The following MATK variants were observed in gnomAD, a reference collection of about 807,000 sequenced individuals.
The protein encoded by MATK is megakaryocyte-associated tyrosine kinase.
Under a neutral mutation model 59.8 loss-of-function variants are expected in MATK, and 41 were observed. The observed-to-expected ratio is 0.69, with a 90% CI of 0.53 to 0.89. The LOEUF (loss-of-function observed/expected upper bound fraction) is 0.89, where lower values mean the gene tolerates loss of function less well. Ranked by LOEUF, MATK falls within the 40% of genes least tolerant of loss-of-function variation. MATK has a pLI of 0.00. For missense variants in MATK, 593 were observed against 719.6 expected (o/e 0.82, Z 2.01); for synonymous variants, 308 against 306.1 (o/e 1.01, Z -0.06).
At chr19:3,780,743 T>A (rs1443125681) in intron 8 of MATK, among the ~76,000 whole-genome samples, 1 of 146,248 alleles carries the variant, frequency 6.8e-6, no homozygotes, top group Non-Finnish European at 1.5e-5. Flanking sequence ...ACATTTTTAT[T>A]TTTAAAATAT....
intron 7 of MATK, chr19:3,782,777 C>T: frequency 3.1e-6 from 1 of 326,336 alleles, no homozygotes; most frequent in Non-Finnish European, 5.7e-6. Flanking sequence ...GATGGGAGGG[C>T]CTGAGGCTGG....
intron 1 of MATK, among the ~76,000 whole-genome samples, chr19:3,797,709 TAGTG>T (rs1399537366): frequency 1.3e-5 from 2 of 151,986 alleles, no homozygotes; most frequent in East Asian, 2.0e-4. Context: ...CTGGGCAACA[TAGTG>T]AGACCCCAAT....
At chr19:3,790,808 T>C (rs895914975), upstream of MATK, among the ~76,000 whole-genome samples, 4 of 152,136 alleles carry the variant, frequency 2.6e-5, no homozygotes, top group African/African-American at 9.7e-5. Flanking sequence ...CCATACTTCC[T>C]AGAGCAAGGT....
rs762860214 is a variant in MATK at position 3,778,426 on chromosome 19, C to A, written c.1285-4G>T. 1 of 1,613,288 alleles carries A rather than the reference C, an allele frequency of 6.2e-7. No individual in the cohort carries two copies. Among genetic ancestry groups the A allele is most frequent in the South Asian group, 1.1e-5 (1 of 91,084 alleles). On this transcript the variant is annotated splice_polypyrimidine_tract_variant and splice_region_variant and intron_variant, in intron 13 of 13. Coordinates refer to ENST00000310132, the MANE Select transcript of MATK (RefSeq NM_139355.3). Reference sequence around the variant, plus strand: ...CCTCCGACACCTCTTTCAGTGACTGCGGACAGCAGGCGTGGGCAGGGGTCA... The same window carrying A: ...CCTCCGACACCTCTTTCAGTGACTGAGGACAGCAGGCGTGGGCAGGGGTCA...
At position 3,778,293 on chromosome 19, in the gene MATK, G is replaced by T; in HGVS notation, c.1414C>A (p.Arg472Ser). The change falls in exon 14 of 14, where the codon CGC (arginine) becomes AGC (serine). Residue 472 changes from arginine to serine, a missense_variant. By Grantham distance (110) the Arg-to-Ser change is moderately radical. Coordinates refer to ENST00000310132, the MANE Select transcript of MATK (RefSeq NM_139355.3). ...CGGGCCAGCTTCTCGGCCAGTTTGC[G>T]GAAGGGTGGCCGGCGGGCGGGCTCT... The part of the protein sequence containing the change: ...EAEPARRPPF[R>S]KLAEKLAREL... 2 of 1,575,876 alleles carry T rather than the reference G, an allele frequency of 1.3e-6. No individual in the cohort carries two copies.
chr19:3,799,257 C>T (rs2037622646), intron 1 of MATK, among the ~76,000 whole-genome samples: 1 of 152,098 alleles, frequency 6.6e-6, no homozygotes. Context: ...ACCAGTTTGA[C>T]CCCAATTTTA....
chr19:3,800,462 G>A (rs903111153), intron 1 of MATK, among the ~76,000 whole-genome samples: 3 of 151,936 alleles, frequency 2.0e-5, no homozygotes, highest in African/African-American at 4.8e-5. Flanking sequence ...CCTGACCAAC[G>A]TGGTGAAACC....
Position 3,778,072 on chromosome 19 carries a change from C to T in MATK, c.*111G>A. 1 of 1,444,160 alleles carries T rather than the reference C, an allele frequency of 6.9e-7. No individual in the cohort carries two copies. Among genetic ancestry groups the T allele is most frequent in the Non-Finnish European group, 9.1e-7 (1 of 1,099,830 alleles). The allele number at this position is 1,444,160 out of a possible 1,614,324, so 89.5% of individuals were successfully genotyped here. On this transcript the variant is annotated 3_prime_UTR_variant, in exon 14 of 14. Coordinates refer to ENST00000310132, the MANE Select transcript of MATK (RefSeq NM_139355.3). ...TACGTGGGCCAGCCCCTGCTGTGGGCACCAGGAGGATGACTTGCCCGCCTG... is the reference window on the plus strand; with the variant it reads ...TACGTGGGCCAGCCCCTGCTGTGGGTACCAGGAGGATGACTTGCCCGCCTG...
Position 3,784,530 on chromosome 19 carries a change from G to T in MATK, c.133-79C>A, listed in dbSNP as rs1599200214. The T allele has an allele frequency of 2.3e-5, 22 of 968,176 alleles. 1 individual carries two copies. In the South Asian group the frequency reaches 2.9e-4, roughly 13 times the overall value. The allele number at this position is 968,176 out of a possible 1,614,324, so 60.0% of individuals were successfully genotyped here. On this transcript the variant is annotated intron_variant, in intron 3 of 13. Coordinates refer to ENST00000310132, the MANE Select transcript of MATK (RefSeq NM_139355.3). ...AGCAGAGGCACGGGAGGGGAAAGAGGACAGGAGGGAGAAAGGTATAGAGAT... is the reference window on the plus strand; with the variant it reads ...AGCAGAGGCACGGGAGGGGAAAGAGTACAGGAGGGAGAAAGGTATAGAGAT...
In MATK at chr19:3,779,798, C is replaced by G; in HGVS notation, c.743-1G>C. ...CCCAGGTACTCACCCTGCAGGACAG[C>G]TGGGGGGTGGGGGTGGGGAACGGGG... On this transcript the variant is annotated splice_acceptor_variant, in intron 8 of 13. Coordinates refer to ENST00000310132, the MANE Select transcript of MATK (RefSeq NM_139355.3). LOFTEE classifies it high-confidence loss of function. The G allele has an allele frequency of 6.4e-7, 1 of 1,561,036 alleles. No individual in the cohort carries two copies. Among genetic ancestry groups the G allele is most frequent in the Non-Finnish European group, 8.8e-7 (1 of 1,133,326 alleles).
chr19:3,798,403 G>T (rs1295008583), intron 1 of MATK, among the ~76,000 whole-genome samples: 1 of 152,174 alleles, frequency 6.6e-6, no homozygotes, highest in African/African-American at 2.4e-5. Flanking sequence ...CAGGAATCCC[G>T]AAACATTGGC....
At chr19:3,792,205 C>A (rs535722174) in intron 1 of MATK, among the ~76,000 whole-genome samples, 26 of 152,062 alleles carry the variant, frequency 1.7e-4, no homozygotes, top group Non-Finnish European at 3.4e-4. Context: ...AAACCTCAGG[C>A]CTGTAGACTC....
In MATK at chr19:3,784,395, C is replaced by G; in HGVS notation, c.189G>C (p.Lys63Asn). 6.2e-7 allele frequency: 1 copy of G among 1,608,752 alleles called. No homozygotes were observed. Residue 63 changes from lysine to asparagine, a missense_variant, in exon 4 of 14, where the codon AAG becomes AAC. Coordinates refer to ENST00000310132, the MANE Select transcript of MATK (RefSeq NM_139355.3). ...CITKCEHTRP[K>N]PGELAFRKGD... ...CCTTGCGGAAGGCCAGCTCCCCTGGCTTGGGGCGGGTGTGCTCGCATTTGG... is the reference window on the plus strand; with the variant it reads ...CCTTGCGGAAGGCCAGCTCCCCTGGGTTGGGGCGGGTGTGCTCGCATTTGG...
At chr19:3,801,021 G>A (rs1259692142) in intron 1 of MATK, among the ~76,000 whole-genome samples, 3 of 152,012 alleles carry the variant, frequency 2.0e-5, no homozygotes, top group African/African-American at 7.2e-5. Flanking sequence ...CACCACGCCC[G>A]GCTGATTTTT....
rs146344616 is a variant in MATK, at chr19:3,795,920, C to A, written c.-58+5612G>T. Among the ~76,000 whole-genome samples, 14 of 151,922 alleles carry A rather than the reference C, an allele frequency of 9.2e-5. No individual in the cohort carries two copies. In the East Asian group the frequency reaches 2.7e-3, roughly 29 times the overall value. ...AGGATTACAGGCACGCGCCATCACGCCTGGCTAATTTTTGTATTTTTAGTA... is the reference window on the plus strand; with the variant it reads ...AGGATTACAGGCACGCGCCATCACGACTGGCTAATTTTTGTATTTTTAGTA... On this transcript the variant is annotated intron_variant, in intron 1 of 13. Coordinates refer to the MATK transcript ENST00000395045.
upstream of MATK, chr19:3,789,384 G>C (rs1184526238): frequency 1.4e-6 from 1 of 724,988 alleles, no homozygotes. Flanking sequence ...ACCCCATGAA[G>C]ACTTTCTCCT....
In MATK at chr19:3,779,061, G is replaced by A. The variant is rs200953484; in HGVS notation, c.1128C>T (p.Ala376=). 6.1e-5 allele frequency: 98 copies of A among 1,606,320 alleles called. No individual in the cohort carries two copies. In the Middle Eastern group the frequency reaches 1.5e-3, roughly 24 times the overall value. The change falls in exon 12 of 14, where the codon GCC becomes GCT. Residue 376 remains alanine, a synonymous_variant. Coordinates refer to ENST00000310132, the MANE Select transcript of MATK (RefSeq NM_139355.3). ...GGCTTGAGTCTAGCCCCTTCCGCTCGGCTTTGGCCAGGCCAAAGTCGCTGA... is the reference window on the plus strand; with the variant it reads ...GGCTTGAGTCTAGCCCCTTCCGCTCAGCTTTGGCCAGGCCAAAGTCGCTGA... ...AKVSDFGLAK[A]ERKGLDSSRL...
At chr19:3,790,562 A>G (rs2037531160), upstream of MATK, among the ~76,000 whole-genome samples, 1 of 152,136 alleles carries the variant, frequency 6.6e-6, no homozygotes, top group Non-Finnish European at 1.5e-5. Context: ...CCTGGCATCC[A>G]GGGCTCTTCA....
At chr19:3,796,946 C>T (rs955943009) in intron 1 of MATK, among the ~76,000 whole-genome samples, 4 of 152,072 alleles carry the variant, frequency 2.6e-5, no homozygotes, top group Non-Finnish European at 5.9e-5. Flanking sequence ...CTTTGCCTGT[C>T]CCATGGTTAA....
Sources: gnomAD v4.1 joint callset for allele counts (sites outside exome capture counted in the v4.1 genomes callset) on GRCh38, gnomAD v4.1.1 for gene constraint, MANE v1.5 for transcripts, NCBI Gene and HGNC (gene_info 2026-07-23, HGNC 2026-07-21) for gene names.